Variants in DOCK2 observed in about 807,000 individuals in gnomAD.
DOCK2 encodes dedicator of cytokinesis 2.
DOCK2 carries 87 observed loss-of-function variants against 248.9 expected under a neutral mutation model. That is an observed-to-expected ratio of 0.35 (90% CI 0.29 to 0.42). The LOEUF is 0.42. Ranked by LOEUF, DOCK2 falls within the 10% of genes least tolerant of loss-of-function variation. The pLI is 1.00. For missense variants in DOCK2, 1,747 were observed against 2,300.2 expected (o/e 0.76, Z 4.92); for synonymous variants, 805 against 821.6 (o/e 0.98, Z 0.35).
At chr5:169,964,611 C>CA (rs1364330637) in intron 27 of DOCK2, among the ~76,000 whole-genome samples, 1 of 152,210 alleles carries the variant, frequency 6.6e-6, no homozygotes, top group Non-Finnish European at 1.5e-5. Flanking sequence ...TTGAAGGGGC[C>CA]ATGGTCAAAG....
At chr5:170,037,951 G>A (rs1369915437) in intron 36 of DOCK2, among the ~76,000 whole-genome samples, 4 of 152,246 alleles carry the variant, frequency 2.6e-5, no homozygotes, top group Admixed American at 6.5e-5. Context: ...TGCTATTACG[G>A]CAGATATATC....
intron 25 of DOCK2, among the ~76,000 whole-genome samples, chr5:169,789,654 T>C (rs1051994606): frequency 6.6e-6 from 1 of 152,252 alleles, no homozygotes; most frequent in African/African-American, 2.4e-5. Flanking sequence ...CTTATTTAAA[T>C]ATTGGGCCTA....
chr5:170,001,932 C>T lies in DOCK2; in HGVS notation c.3072+5768C>T, dbSNP rs150114519. Among the ~76,000 whole-genome samples the T allele has an allele frequency of 6.8e-4, 103 of 152,220 alleles. 1 individual carries two copies. In the East Asian group the frequency reaches 0.012, roughly 17 times the overall value. ...TGAGAGTTTGCTAGCCAGTGATTTC[C>T]TCATTTAGTCCTTACAACCATACCC... On this transcript the variant is annotated intron_variant, in intron 30 of 51. Transcript: ENST00000520908.
At chr5:169,861,742 G>T (rs1422713719) in intron 27 of DOCK2, among the ~76,000 whole-genome samples, 5 of 152,162 alleles carry the variant, frequency 3.3e-5, no homozygotes, top group Middle Eastern at 3.4e-3. Context: ...TTGTTCATCA[G>T]GAAAATGTTT....
chr5:170,072,794 G>A (rs1757724115), intron 46 of DOCK2, among the ~76,000 whole-genome samples: 1 of 152,114 alleles, frequency 6.6e-6, no homozygotes, highest in African/African-American at 2.4e-5. Flanking sequence ...CTTTTCATAT[G>A]CTTACTGCTA....
intron 27 of DOCK2, chr5:169,864,378 C>T: frequency 1.3e-6 from 2 of 1,551,582 alleles, no homozygotes; most frequent in East Asian, 2.4e-5. Context: ...GGGGCGATGC[C>T]TCCTCAACTG....
intron 47 of DOCK2, 90 bp from the exon 48 acceptor site, chr5:170,077,620 C>T: frequency 2.6e-6 from 4 of 1,565,210 alleles, no homozygotes; most frequent in Non-Finnish European, 3.5e-6. Context: ...CACAACTCTG[C>T]CCTGCCTAGG....
In DOCK2 at chr5:169,916,973, C is replaced by T. The variant is rs139945356; in HGVS notation, c.2800-66095C>T. ...CAAATAGCCATCGTCATTACTCTTC[C>T]AAATCCAGGACTGAATTCGTTCATT... On this transcript the variant is annotated intron_variant, in intron 27 of 51. Transcript: ENST00000520908. Among the ~76,000 whole-genome samples the T allele has an allele frequency of 2.4e-3, 369 of 152,236 alleles. 1 individual carries two copies. The highest frequency in any genetic ancestry group is 8.4e-3 in the African/African-American group (351 of 41,544).
chr5:169,890,928 A>G (rs1773245467), intron 27 of DOCK2, among the ~76,000 whole-genome samples: 1 of 152,134 alleles, frequency 6.6e-6, no homozygotes, highest in Non-Finnish European at 1.5e-5. Flanking sequence ...ATAATATTTA[A>G]TCAGATCACA....
At chr5:169,875,437 C>T (rs139951493) in intron 27 of DOCK2, 31 of 384,698 alleles carry the variant, frequency 8.1e-5, no homozygotes, top group African/African-American at 5.8e-4. Context: ...CAGTGACAAT[C>T]GAACATTCCA....
chr5:169,900,583 T>A (rs1412604813), intron 27 of DOCK2, among the ~76,000 whole-genome samples: 1 of 152,198 alleles, frequency 6.6e-6, no homozygotes, highest in Non-Finnish European at 1.5e-5. Context: ...ATGTCGAGTC[T>A]CTCTCCTTTG....
chr5:169,977,248 A>G (rs1777748433), intron 27 of DOCK2, among the ~76,000 whole-genome samples: 1 of 152,188 alleles, frequency 6.6e-6, no homozygotes, highest in South Asian at 2.1e-4. Context: ...AACCAAAAGC[A>G]TGTTCAGCGG....
chr5:169,990,138 G>C (rs896629708), intron 29 of DOCK2, among the ~76,000 whole-genome samples: 1 of 150,864 alleles, frequency 6.6e-6, no homozygotes, highest in East Asian at 1.9e-4. Context: ...TCACTCTGTC[G>C]CCCAGGCTGG....
chr5:169,658,983 T>C (rs1185256330), intron 2 of DOCK2, among the ~76,000 whole-genome samples: 29 of 10,088 alleles, frequency 2.9e-3, no homozygotes, highest in African/African-American at 5.8e-3. Context: ...AAGACTGCAT[T>C]ATTATTATTA....
intron 44 of DOCK2, among the ~76,000 whole-genome samples, chr5:170,058,031 T>A (rs974826112): frequency 6.6e-6 from 1 of 152,206 alleles, no homozygotes; most frequent in Non-Finnish European, 1.5e-5. Context: ...TGGGGGCACC[T>A]GTGCAGTATC....
intron 29 of DOCK2, 150 bp from the exon 30 acceptor site, chr5:169,995,936 G>A: frequency 1.5e-6 from 1 of 689,362 alleles, no homozygotes; most frequent in Non-Finnish European, 2.4e-6. Context: ...GTGAATAGTT[G>A]TTAATCTGCA....
chr5:169,952,941 T>C (rs934093741), intron 27 of DOCK2, among the ~76,000 whole-genome samples: 3 of 152,082 alleles, frequency 2.0e-5, no homozygotes, highest in Non-Finnish European at 4.4e-5. Flanking sequence ...AAACAGTAGG[T>C]TGATTGTGGT....
chr5:169,976,176 C>G (rs7737870), intron 27 of DOCK2, among the ~76,000 whole-genome samples: 44,295 of 152,124 alleles, frequency 0.29, 7,321 homozygotes, highest in Middle Eastern at 0.39. Context: ...TTCAACTCTA[C>G]CTTCTGACAA....
At chr5:169,637,392 G>C in intron 1 of DOCK2, 23 bp downstream of exon 1, 1 of 1,373,528 alleles carries the variant, frequency 7.3e-7, no homozygotes, top group Non-Finnish European at 9.4e-7. Context: ...CCCAGGGCGC[G>C]GCAGGGAGCG....
Sources: allele counts gnomAD v4.1 joint callset (sites outside exome capture counted in the v4.1 genomes callset), GRCh38; gene constraint gnomAD v4.1.1; transcripts MANE v1.5; gene names NCBI Gene and HGNC (gene_info 2026-07-23, HGNC 2026-07-21).